The following KANK1 variants were observed in gnomAD, a reference collection of about 807,000 sequenced individuals.
The protein encoded by KANK1 is KN motif and ankyrin repeat domains 1.
KANK1 carries 109 observed loss-of-function variants against 106.2 expected under a neutral mutation model. The observed-to-expected ratio is 1.03, with a 90% CI of 0.88 to 1.20. The LOEUF (loss-of-function observed/expected upper bound fraction) is 1.20, where lower values mean the gene tolerates loss of function less well. KANK1 is among the 50% of genes most tolerant of loss of function. KANK1 has a pLI of 0.00. For synonymous variants in KANK1, 873 were observed against 652.2 expected (o/e 1.34, Z -5.16); for missense variants, 2,399 against 1,710.7 (o/e 1.40, Z -7.10).
chr9:530,350 G>C (rs759678139), intron 1 of KANK1, among the ~76,000 whole-genome samples: 2 of 151,996 alleles, frequency 1.3e-5, no homozygotes, highest in African/African-American at 2.4e-5. Context: ...TACTTTTGTA[G>C]TTTCAATATT....
At chr9:514,137 TCCCTC>T (rs2059159527) in intron 1 of KANK1, among the ~76,000 whole-genome samples, 2 of 53,694 alleles carry the variant, frequency 3.7e-5, no homozygotes, top group African/African-American at 2.1e-4. Context: ...TCTCCCTCCC[TCCCTC>T]CCTTCCTCTC....
chr9:525,386 T>TGTGTGTGTGTG (rs1554612176), intron 1 of KANK1, among the ~76,000 whole-genome samples: 2 of 151,112 alleles, frequency 1.3e-5, no homozygotes, highest in African/African-American at 4.9e-5. Context: ...TGTGTGTGTA[T>TGTGTGTGTGTG]TTATTTGAGA....
intron 1 of KANK1, among the ~76,000 whole-genome samples, chr9:652,301 A>T (rs1209701188): frequency 1.3e-5 from 2 of 152,136 alleles, no homozygotes; most frequent in African/African-American, 4.8e-5. Context: ...CGGGTGGATC[A>T]TCTGAGGTCA....
At position 518,033 on chromosome 9, in the gene KANK1, C is replaced by T. The variant is rs141353016; in HGVS notation, c.-84+13279C>T. ...GATTACAGGCATGAGCCACCTTGCC[C>T]GGCCAACCTTGAGGGTTCTTAGCCA... On this transcript the variant is annotated intron_variant, in intron 1 of 11. Transcript: ENST00000382297. Among the ~76,000 whole-genome samples, 170 of 151,688 alleles carry T rather than the reference C, an allele frequency of 1.1e-3. 6 individuals carry two copies. The highest frequency in any genetic ancestry group is 2.6e-3 in the African/African-American group (107 of 41,062).
At chr9:576,887 G>A (rs1820705639) in intron 1 of KANK1, among the ~76,000 whole-genome samples, 1 of 152,162 alleles carries the variant, frequency 6.6e-6, no homozygotes, top group Admixed American at 6.5e-5. Context: ...GGTTCCTTCA[G>A]GTGGTTTCTT....
intron 1 of KANK1, among the ~76,000 whole-genome samples, chr9:616,787 T>C (rs1220891617): frequency 6.6e-6 from 1 of 152,196 alleles, no homozygotes. Context: ...CCTCTGCTTA[T>C]GTCGCTGCTG....
chr9:581,875 G>C (rs1284389166), intron 1 of KANK1, among the ~76,000 whole-genome samples: 3 of 152,130 alleles, frequency 2.0e-5, no homozygotes, highest in African/African-American at 7.2e-5. Context: ...GCACACCTCA[G>C]GGTGCAGCCA....
intron 1 of KANK1, among the ~76,000 whole-genome samples, chr9:527,309 G>C (rs2059834951): frequency 6.6e-6 from 1 of 151,670 alleles, no homozygotes; most frequent in African/African-American, 2.4e-5. Flanking sequence ...TTGTTTGTTT[G>C]TTTGTTTTTG....
chr9:539,858 A>C (rs1336476456), intron 1 of KANK1, among the ~76,000 whole-genome samples: 1 of 152,182 alleles, frequency 6.6e-6, no homozygotes, highest in Non-Finnish European at 1.5e-5. Flanking sequence ...ATTAGTATAT[A>C]TAATAGAAGT....
At position 738,494 on chromosome 9, in the gene KANK1, G is replaced by A; in HGVS notation, c.3543G>A (p.Leu1181=). The A allele has an allele frequency of 6.2e-7, 1 of 1,613,786 alleles. No homozygotes were observed. The highest frequency in any genetic ancestry group is 1.7e-5 in the Admixed American group (1 of 60,018). ...CCAACTTCGAGATTGTGAAGCTGCTGTTAGATGCCGGTATGTTGGCTGCCC... is the reference window on the plus strand; with the variant it reads ...CCAACTTCGAGATTGTGAAGCTGCTATTAGATGCCGGTATGTTGGCTGCCC... ...SHSNFEIVKL[L]LDADVCNVDH... is the part of the protein sequence containing the mutation. Residue 1181 remains leucine (L), a synonymous_variant, in exon 8 of 12, where the codon CTG becomes CTA. Transcript: ENST00000382297.
chr9:623,155 A>G (rs1287235914), intron 1 of KANK1, among the ~76,000 whole-genome samples: 3 of 152,106 alleles, frequency 2.0e-5, no homozygotes, highest in Non-Finnish European at 4.4e-5. Flanking sequence ...TACAAACCAT[A>G]TATCTGGTAA....
chr9:742,501 C>G (rs938965039), intron 10 of KANK1, 96 bp downstream of exon 10: 42 of 848,122 alleles, frequency 5.0e-5, no homozygotes, highest in Non-Finnish European at 7.1e-5. Flanking sequence ...CCAAATCCTC[C>G]TCTATTCTCC....
intron 2 of KANK1, among the ~76,000 whole-genome samples, chr9:704,502 CT>C (rs1823493414): frequency 6.6e-6 from 1 of 152,198 alleles, no homozygotes; most frequent in African/African-American, 2.4e-5. Context: ...CTACATGACA[CT>C]TCTGCTTACA....
chr9:675,409 A>G (rs1269517454), intron 1 of KANK1, among the ~76,000 whole-genome samples: 2 of 152,300 alleles, frequency 1.3e-5, no homozygotes, highest in East Asian at 1.9e-4. Context: ...TTTGGGCACA[A>G]TGGAAATGGG....
At chr9:686,136 C>G (rs1818493832) in intron 2 of KANK1, among the ~76,000 whole-genome samples, 1 of 152,198 alleles carries the variant, frequency 6.6e-6, no homozygotes, top group South Asian at 2.1e-4. Flanking sequence ...TCAGCTCTTA[C>G]TTTTTTCTAA....
At chr9:514,824 G>T (rs1454783542) in intron 1 of KANK1, among the ~76,000 whole-genome samples, 1 of 151,596 alleles carries the variant, frequency 6.6e-6, no homozygotes, top group Non-Finnish European at 1.5e-5. Context: ...CAATTTTTGG[G>T]CCATGCAGTT....
chr9:714,692 T>C (rs541524713), intron 3 of KANK1, among the ~76,000 whole-genome samples: 2 of 152,278 alleles, frequency 1.3e-5, no homozygotes, highest in South Asian at 4.2e-4. Flanking sequence ...GTCTTATTCT[T>C]TCTCGTATTC....
intron 2 of KANK1, chr9:470,749 C>T (rs998584765): frequency 8.5e-5 from 13 of 152,424 alleles, no homozygotes; most frequent in African/African-American, 3.1e-4. Flanking sequence ...AGTTTAATCT[C>T]CCATTCAGCA....
chr9:475,842 T>A (rs1045788811), intron 3 of KANK1, among the ~76,000 whole-genome samples: 2 of 152,074 alleles, frequency 1.3e-5, no homozygotes, highest in Non-Finnish European at 2.9e-5. Flanking sequence ...AGCACCTTTT[T>A]AAAATTATTT....
Sources: allele counts gnomAD v4.1 joint callset (sites outside exome capture counted in the v4.1 genomes callset), GRCh38; gene constraint gnomAD v4.1.1; transcripts MANE v1.5; gene names NCBI Gene and HGNC (gene_info 2026-07-23, HGNC 2026-07-21).